The following CEP350 variants were observed in gnomAD, a reference collection of about 807,000 sequenced individuals.
CEP350 encodes the protein centrosome-associated protein 350.
Under a neutral mutation model 331.8 loss-of-function variants are expected in CEP350, and 126 were observed. That is an observed-to-expected ratio of 0.38 (90% CI 0.33 to 0.44). The LOEUF (loss-of-function observed/expected upper bound fraction) is 0.44. Ranked by LOEUF, CEP350 falls within the 20% of genes least tolerant of loss-of-function variation. CEP350 has a pLI of 1.00. For synonymous variants in CEP350, 1,200 were observed against 1,259.5 expected (o/e 0.95, Z 1.00); for missense variants, 3,406 against 3,634.6 (o/e 0.94, Z 1.62).
intron 27 of CEP350, 64 bp from the exon 28 acceptor site, chr1:180,074,958 C>T: frequency 1.5e-6 from 2 of 1,361,786 alleles, no homozygotes; most frequent in Non-Finnish European, 2.0e-6. Context: ...AGTGATAGAG[C>T]TCTCAAAGTG....
In CEP350 at chr1:180,094,477, A is replaced by G. The variant is rs764233420; in HGVS notation, c.8372A>G (p.Asp2791Gly). ...IQLSNQELLG[D>G]DQKKVTPQDL... ...CTTAGCAATCAGGAGCTTCTTGGTG[A>G]TGACCAAAAGAAAGTAACACCCCAA... Residue 2791 changes from aspartate (D) to glycine (G), a missense_variant, in exon 34 of 38, where the codon GAT becomes GGT. Asp to Gly is a moderately conservative substitution (Grantham distance 94, BLOSUM62 -1). This residue lies in a region of CEP350 where 1,415 missense variants were observed against 1,512.3 expected (regional missense o/e 0.94). Coordinates refer to ENST00000367607, the MANE Select transcript of CEP350 (RefSeq NM_014810.5). The G allele has an allele frequency of 1.3e-5, 21 of 1,613,788 alleles. No individual in the cohort carries two copies. The highest frequency in any genetic ancestry group is 1.7e-5 in the Non-Finnish European group (20 of 1,179,836).
intron 30 of CEP350, among the ~76,000 whole-genome samples, chr1:180,083,131 G>A (rs1194419559): frequency 6.6e-6 from 1 of 152,180 alleles, no homozygotes; most frequent in Non-Finnish European, 1.5e-5. Context: ...GGTTTTTGAT[G>A]TGATGTTAAG....
chr1:180,044,182 A>G lies in CEP350; in HGVS notation c.4622+9A>G. On this transcript the variant is annotated intron_variant, in intron 21 of 37. Coordinates refer to ENST00000367607, the MANE Select transcript of CEP350 (RefSeq NM_014810.5). ...AAGAATCATGATAGAAGGTGAAGAC[A>G]ATTTGATTTCTTTGTCAGTACAGTT... The G allele has an allele frequency of 6.4e-7, 1 of 1,551,872 alleles. No individual in the cohort carries two copies. The highest frequency in any genetic ancestry group is 8.7e-7 in the Non-Finnish European group (1 of 1,150,742).
rs557083941 is a variant in CEP350, at chr1:180,022,653, C to T, written c.3236-45C>T. Reference sequence around the variant, plus strand: ...GTATGGGATGCTTTTCTTACAGTTTCTTGATTTTCGTTTTTAACCATGTTT... The same window carrying T: ...GTATGGGATGCTTTTCTTACAGTTTTTTGATTTTCGTTTTTAACCATGTTT... On this transcript the variant is annotated intron_variant, in intron 12 of 37. Transcript: ENST00000367607. 6.2e-5 allele frequency: 97 copies of T among 1,563,732 alleles called. 3 individuals carry two copies. In the South Asian group the frequency reaches 1.1e-3, roughly 17 times the overall value.
chr1:180,032,145 A>G (rs1289320459), intron 15 of CEP350, among the ~76,000 whole-genome samples: 1 of 152,202 alleles, frequency 6.6e-6, no homozygotes, highest in East Asian at 1.9e-4. Context: ...CTTACAAATA[A>G]CCTTCAGTTG....
chr1:180,095,996 T>G, intron 35 of CEP350, 42 bp from the exon 36 acceptor site: 1 of 1,549,932 alleles, frequency 6.5e-7, no homozygotes, highest in Non-Finnish European at 8.7e-7. Flanking sequence ...ATTTGGATTC[T>G]TAGCCATTTT....
intron 27 of CEP350, among the ~76,000 whole-genome samples, chr1:180,071,652 A>T (rs1223403931): frequency 6.6e-6 from 1 of 151,912 alleles, no homozygotes; most frequent in Non-Finnish European, 1.5e-5. Flanking sequence ...GCATGGTGGC[A>T]GGTGCCTTTA....
intron 37 of CEP350, among the ~76,000 whole-genome samples, chr1:180,103,791 C>A (rs1465739400): frequency 6.6e-6 from 1 of 151,912 alleles, no homozygotes; most frequent in African/African-American, 2.4e-5. Context: ...ATTCTCTTTC[C>A]ATGGCTCGTA....
chr1:180,090,582 G>A (rs1430130756), intron 32 of CEP350, 132 bp from the exon 33 acceptor site: 2 of 181,936 alleles, frequency 1.1e-5, no homozygotes, highest in Non-Finnish European at 1.9e-5. Flanking sequence ...AAATAGGCTT[G>A]ATGAAAGTGA....
intron 34 of CEP350, 70 bp from the exon 35 acceptor site, chr1:180,095,451 CTG>C: frequency 6.7e-7 from 1 of 1,491,480 alleles, no homozygotes; most frequent in South Asian, 1.4e-5. Context: ...TGCATTTACT[CTG>C]TCTTTTTTTA....
Position 180,084,134 on chromosome 1 carries a change from G to A in CEP350, c.6241G>A (p.Glu2081Lys), listed in dbSNP as rs764634637. 21 of 1,586,224 alleles carry A rather than the reference G, an allele frequency of 1.3e-5. No homozygotes were observed. The East Asian group carries it at 4.6e-4, about 34-fold the overall frequency. ...GAAGGAACAGAAAAAAAGGCAAAAG[G>A]AAAGACTGAAAGCCCAAGAAGCCAG... ...LKKEQKKRQK[E>K]RLKAQEASLI... Residue 2081 changes from glutamate (E) to lysine (K), a missense_variant, in exon 31 of 38, where the codon GAA (glutamate) becomes AAA (lysine). Physicochemically the swap from Glu to Lys is moderately conservative, Grantham distance 56 (BLOSUM62 1). This residue lies in a region of CEP350 where 1,415 missense variants were observed against 1,512.3 expected (regional missense o/e 0.94). Transcript: ENST00000367607.
intron 25 of CEP350, among the ~76,000 whole-genome samples, chr1:180,059,813 G>A (rs1658084870): frequency 6.6e-6 from 1 of 151,964 alleles, no homozygotes; most frequent in Admixed American, 6.6e-5. Flanking sequence ...ACAAAAGTCA[G>A]GATTTTGAAA....
chr1:180,026,365 G>T (rs780459016), intron 14 of CEP350, among the ~76,000 whole-genome samples: 1 of 151,838 alleles, frequency 6.6e-6, no homozygotes, highest in African/African-American at 2.4e-5. Context: ...GGCTGGTCTC[G>T]AACTCCTGGG....
chr1:180,000,043 A>G (rs1653757934), intron 6 of CEP350, among the ~76,000 whole-genome samples: 1 of 152,188 alleles, frequency 6.6e-6, no homozygotes. Context: ...AGTGTCATGG[A>G]CATAAGTAAG....
At chr1:179,999,622 A>C (rs1653726095) in intron 6 of CEP350, among the ~76,000 whole-genome samples, 1 of 152,224 alleles carries the variant, frequency 6.6e-6, no homozygotes. Flanking sequence ...GCAGTCCAAA[A>C]GATGAGTATA....
intron 31 of CEP350, among the ~76,000 whole-genome samples, chr1:180,086,544 T>C (rs1237524772): frequency 8.1e-5 from 2 of 24,804 alleles, no homozygotes; most frequent in Non-Finnish European, 1.4e-4. Flanking sequence ...GATATGCATA[T>C]ATATATATAT....
intron 4 of CEP350, 82 bp from the exon 5 acceptor site, chr1:179,991,980 A>ATT: frequency 2.4e-6 from 3 of 1,229,806 alleles, no homozygotes; most frequent in East Asian, 3.2e-5. Context: ...TAGATACCTA[A>ATT]TTTTTTTTTT....
chr1:180,008,265 T>G (rs1264731495), intron 8 of CEP350, among the ~76,000 whole-genome samples: 1 of 152,210 alleles, frequency 6.6e-6, no homozygotes, highest in Non-Finnish European at 1.5e-5. Context: ...CTCATCCAGA[T>G]TGCCCAAATT....
intron 24 of CEP350, among the ~76,000 whole-genome samples, 200 bp from the exon 25 acceptor site, chr1:180,054,215 G>A (rs1657679964): frequency 6.6e-6 from 1 of 152,132 alleles, no homozygotes; most frequent in Non-Finnish European, 1.5e-5. Context: ...GTCTCCAGAG[G>A]ACACATTCTA....
Sources: allele counts gnomAD v4.1 joint callset (sites outside exome capture counted in the v4.1 genomes callset), GRCh38; gene constraint gnomAD v4.1.1; regional missense constraint gnomAD v4.1.1; transcripts MANE v1.5; gene names NCBI Gene and HGNC (gene_info 2026-07-23, HGNC 2026-07-21).